FAT3: variants seen among roughly 807,000 people sequenced by gnomAD.
The protein encoded by FAT3 is FAT atypical cadherin 3.
In FAT3, 95 loss-of-function variants were observed where a neutral mutation model predicts 310.2. The observed-to-expected ratio is 0.31, with a 90% CI of 0.26 to 0.36. The LOEUF (loss-of-function observed/expected upper bound fraction) is 0.36, where lower values mean the gene tolerates loss of function less well. Among genes scored for constraint, FAT3 ranks in the 10% least tolerant of loss-of-function variants. The pLI, the probability that FAT3 is intolerant of heterozygous loss-of-function variation, is 1.00. For missense variants in FAT3, 5,408 were observed against 5,715.6 expected, an observed-to-expected ratio of 0.95 and a Z score of 1.74; for synonymous variants, 2,314 against 2,192.9, an observed-to-expected ratio of 1.06 and a Z score of -1.54.
chr11:92,504,755 A>G (rs1953049231), intron 2 of FAT3, among the ~76,000 whole-genome samples: 1 of 152,116 alleles, frequency 6.6e-6, no homozygotes, highest in African/African-American at 2.4e-5. Context: ...CATTTGGTAC[A>G]CATTTGCCTA....
rs368324627 is a variant in FAT3, at chr11:92,524,663, C to G, written c.3322C>G (p.Arg1108Gly). 2 of 1,613,418 alleles carry G rather than the reference C, an allele frequency of 1.2e-6. No individual in the cohort carries two copies. The highest frequency in any genetic ancestry group is 2.2e-5 in the East Asian group (1 of 44,854). ...GVITAADILD[R>G]ETMGSYWLTV... ...CATCACTGCCGCAGACATTCTTGATCGGGAGACAATGGGGTCATACTGGCT... is the reference window on the plus strand; with the variant it reads ...CATCACTGCCGCAGACATTCTTGATGGGGAGACAATGGGGTCATACTGGCT... The change falls in exon 3 of 28, where the codon CGG (arginine) becomes GGG (glycine). Residue 1108 changes from arginine (R) to glycine (G), a missense_variant. Arg to Gly is a moderately radical substitution (Grantham distance 125). This residue lies in a region of FAT3 where 4,588 missense variants were observed against 4,809.8 expected (regional missense o/e 0.95). Coordinates refer to ENST00000525166, the MANE Select transcript of FAT3 (RefSeq NM_001367949.2).
At chr11:92,847,754 A>G (rs1281735682) in intron 19 of FAT3, among the ~76,000 whole-genome samples, 2 of 152,240 alleles carry the variant, frequency 1.3e-5, no homozygotes, top group East Asian at 1.9e-4. Context: ...CAGGGGCAGG[A>G]GCAGGCTCTT....
chr11:92,313,811 G>A (rs1196076700), intron 1 of FAT3, among the ~76,000 whole-genome samples: 1 of 152,204 alleles, frequency 6.6e-6, no homozygotes, highest in African/African-American at 2.4e-5. Flanking sequence ...GCCGACCTCG[G>A]CCTCCCAAAG....
chr11:92,293,512 TTATATATATATATATATATATATA>T lies in FAT3; in HGVS notation c.-17-58567_-17-58544del, dbSNP rs1195340265. ...TTTCAATTTGAAGCAGAACCTCAGA[TTATATATATATATATATATATATA>T]TATATATATATATATAAATAAAATA... On this transcript the variant is annotated intron_variant, in intron 1 of 27. Transcript: ENST00000525166. Among the ~76,000 whole-genome samples, 7 of 67,892 alleles carry T rather than the reference TTATATATATATATATATATATATA, an allele frequency of 1.0e-4. 1 individual carries two copies. Among genetic ancestry groups the T allele is most frequent in the Non-Finnish European group, 1.6e-4 (6 of 36,948 alleles). 44.5% of individuals were successfully genotyped at this position (67,892 alleles called of 152,430 possible). A position where few individuals can be genotyped will look rare whatever the true frequency, so the allele number is the denominator to read the frequency against.
chr11:92,369,990 G>A (rs147526582), intron 2 of FAT3, among the ~76,000 whole-genome samples: 3 of 152,220 alleles, frequency 2.0e-5, no homozygotes, highest in Admixed American at 6.5e-5. Context: ...GGGAAATCAC[G>A]AGTAACAATA....
intron 1 of FAT3, among the ~76,000 whole-genome samples, chr11:92,225,490 G>A (rs978473581): frequency 6.6e-6 from 1 of 152,110 alleles, no homozygotes; most frequent in Admixed American, 6.5e-5. Flanking sequence ...GGGGGGTTGC[G>A]GATCAGTGCA....
intron 2 of FAT3, among the ~76,000 whole-genome samples, chr11:92,412,725 ATATATATATATATAT>A (rs1950308684): frequency 2.5e-5 from 1 of 39,398 alleles, no homozygotes; most frequent in African/African-American, 7.3e-5. Flanking sequence ...ATATATATAT[ATATATATATATATAT>A]ATATAAATAT....
intron 1 of FAT3, among the ~76,000 whole-genome samples, chr11:92,331,287 C>CT (rs533844533): frequency 0.15 from 20,910 of 139,070 alleles, 2,905 homozygotes; most frequent in African/African-American, 0.37. Flanking sequence ...TTTATTTCTT[C>CT]TTTTTTTTTT....
chr11:92,319,927 A>C (rs952162880), intron 1 of FAT3, among the ~76,000 whole-genome samples: 2 of 152,222 alleles, frequency 1.3e-5, no homozygotes, highest in Non-Finnish European at 2.9e-5. Context: ...TTTTATGGTC[A>C]AATCAGTTTG....
At chr11:92,331,705 G>A (rs758422892) in intron 1 of FAT3, among the ~76,000 whole-genome samples, 6 of 152,170 alleles carry the variant, frequency 3.9e-5, no homozygotes, top group Non-Finnish European at 8.8e-5. Context: ...ATGAAAAACT[G>A]AATTGGAACT....
At chr11:92,547,026 G>C (rs191279342) in intron 3 of FAT3, among the ~76,000 whole-genome samples, 204 of 152,236 alleles carry the variant, frequency 1.3e-3, no homozygotes, top group Non-Finnish European at 2.5e-3. Context: ...TTAGATCAAG[G>C]GTCTTATGCT....
In FAT3 at chr11:92,353,925, A is replaced by G; in HGVS notation, c.1813A>G (p.Ile605Val). ...CATCACAGCAGTCTCAGCGATCGATATCGATGAACTTGAACTTGTAAAGTA... is the reference window on the plus strand; with the variant it reads ...CATCACAGCAGTCTCAGCGATCGATGTCGATGAACTTGAACTTGTAAAGTA... ...GHITAVSAID[I>V]DELELVKYKI... is the part of the protein sequence containing the mutation. Residue 605 changes from isoleucine to valine, a missense_variant, in exon 2 of 28, where the codon ATC (isoleucine) becomes GTC (valine). By Grantham distance (29) the Ile-to-Val change is conservative (BLOSUM62 3). This residue lies in a region of FAT3 where 4,588 missense variants were observed against 4,809.8 expected (regional missense o/e 0.95). Coordinates refer to ENST00000525166, the MANE Select transcript of FAT3 (RefSeq NM_001367949.2). The G allele has an allele frequency of 1.2e-6, 2 of 1,611,906 alleles. No individual in the cohort carries two copies. The highest frequency in any genetic ancestry group is 1.7e-6 in the Non-Finnish European group (2 of 1,178,180).
chr11:92,311,393 C>T (rs986218875), intron 1 of FAT3, among the ~76,000 whole-genome samples: 1 of 152,126 alleles, frequency 6.6e-6, no homozygotes, highest in African/African-American at 2.4e-5. Flanking sequence ...CTGTACAACA[C>T]TTGTGATGTG....
At chr11:92,433,255 C>T (rs750440926) in intron 2 of FAT3, among the ~76,000 whole-genome samples, 1 of 152,146 alleles carries the variant, frequency 6.6e-6, no homozygotes, top group Non-Finnish European at 1.5e-5. Flanking sequence ...TTCTGTCTCA[C>T]TGGCATTCCA....
chr11:92,448,141 C>A (rs1053026396), intron 2 of FAT3, among the ~76,000 whole-genome samples: 1 of 152,020 alleles, frequency 6.6e-6, no homozygotes, highest in Non-Finnish European at 1.5e-5. Flanking sequence ...ATCACACTTA[C>A]CTTTTAGAGT....
At chr11:92,385,015 G>A (rs570443485) in intron 2 of FAT3, among the ~76,000 whole-genome samples, 73 of 152,182 alleles carry the variant, frequency 4.8e-4, no homozygotes, top group Non-Finnish European at 3.8e-4. Flanking sequence ...GAGAGAGGAT[G>A]TGCCAGCTCC....
In FAT3 at chr11:92,354,811, A is replaced by G. The variant is rs1188418455; in HGVS notation, c.2699A>G (p.Tyr900Cys). The change falls in exon 2 of 28, where the codon TAT (tyrosine) becomes TGT (cysteine). Residue 900 changes from tyrosine (Y) to cysteine (C), a missense_variant. Tyr to Cys is a radical substitution (Grantham distance 194). This residue lies in a region of FAT3 where 4,588 missense variants were observed against 4,809.8 expected (regional missense o/e 0.95). Coordinates refer to ENST00000525166, the MANE Select transcript of FAT3 (RefSeq NM_001367949.2). The stretch of plus-strand genomic sequence containing the variant: ...TTGGACCGGGAATCCAAAGCCAATT[A>G]TTCTTTGAAAATAGAAGCCAGGGAC... ...DQLDRESKAN[Y>C]SLKIEARDKA... 6.2e-7 allele frequency: 1 copy of G among 1,613,804 alleles called. No individual in the cohort carries two copies. Among genetic ancestry groups the G allele is most frequent in the African/African-American group, 1.3e-5 (1 of 74,918 alleles).
intron 2 of FAT3, 82 bp from the exon 3 acceptor site, chr11:92,524,552 G>A (rs914765767): frequency 1.5e-6 from 2 of 1,348,660 alleles, no homozygotes; most frequent in Admixed American, 2.1e-5. Flanking sequence ...AGATTATTTA[G>A]TGTAGTCCTT....
rs2136349239 is a variant in FAT3 at position 92,866,927 on chromosome 11, A to G, written c.11845A>G (p.Thr3949Ala). Residue 3949 changes from threonine (T) to alanine (A), a missense_variant, in exon 22 of 28, where the codon ACG (threonine) becomes GCG (alanine). Thr to Ala is a moderately conservative substitution (Grantham distance 58, BLOSUM62 0). Transcript: ENST00000525166. ...GCGCCGGGCGCCCCTCTACTTCCAG[A>G]CGCTGAGCACTGAGAGTAGCATCTA... ...ERRRAPLYFQ[T>A]LSTESSIYFG... 1.2e-6 allele frequency: 2 copies of G among 1,613,906 alleles called. No homozygotes were observed. Among genetic ancestry groups the G allele is most frequent in the Non-Finnish European group, 1.7e-6 (2 of 1,179,880 alleles).
Sources: gnomAD v4.1 joint callset for allele counts (sites outside exome capture counted in the v4.1 genomes callset) on GRCh38, gnomAD v4.1.1 for gene constraint, gnomAD v4.1.1 regional missense constraint, MANE v1.5 for transcripts, NCBI Gene and HGNC (gene_info 2026-07-23, HGNC 2026-07-21) for gene names.